The following ZCCHC2 variants were observed in gnomAD, a reference collection of about 807,000 sequenced individuals.
The protein encoded by ZCCHC2 is zinc finger CCHC domain-containing protein 2.
A neutral mutation model predicts 103.6 loss-of-function variants in ZCCHC2; 39 were observed. The ratio of observed to expected loss-of-function variants is 0.38; its 90% CI spans 0.29 to 0.49. ZCCHC2 has a LOEUF of 0.49. Ranked by LOEUF, ZCCHC2 falls within the 20% of genes least tolerant of loss-of-function variation. The pLI, the probability that ZCCHC2 is intolerant of heterozygous loss-of-function variation, is 0.96. For missense variants in ZCCHC2, 1,483 were observed against 1,491.0 expected (o/e 0.99, Z 0.09); for synonymous variants, 687 against 608.9 (o/e 1.13, Z -1.89).
At chr18:62,573,415 T>C (rs980129687) in intron 12 of ZCCHC2, among the ~76,000 whole-genome samples, 11 of 152,198 alleles carry the variant, frequency 7.2e-5, no homozygotes, top group African/African-American at 2.7e-4. Context: ...TTTGCTGTTT[T>C]GCTGTTTTGA....
intron 4 of ZCCHC2, among the ~76,000 whole-genome samples, chr18:62,545,412 T>A (rs1915369453): frequency 6.6e-6 from 1 of 152,028 alleles, no homozygotes; most frequent in Non-Finnish European, 1.5e-5. Context: ...TCTCCATTTC[T>A]TCCTTCTTTG....
At chr18:62,578,795 CTT>C (rs937114258), downstream of ZCCHC2, among the ~76,000 whole-genome samples, 3 of 152,196 alleles carry the variant, frequency 2.0e-5, no homozygotes, top group African/African-American at 7.2e-5. Flanking sequence ...GAGACGGGGT[CTT>C]GCTCTGTCGC....
At chr18:62,548,215 G>A (rs1010954305) in intron 4 of ZCCHC2, among the ~76,000 whole-genome samples, 1 of 152,016 alleles carries the variant, frequency 6.6e-6, no homozygotes, top group Non-Finnish European at 1.5e-5. Context: ...TTCAAAACAC[G>A]TGACTAGAAT....
chr18:62,528,185 A>C (rs1914519226), intron 1 of ZCCHC2, among the ~76,000 whole-genome samples: 1 of 152,252 alleles, frequency 6.6e-6, no homozygotes, highest in South Asian at 2.1e-4. Context: ...AAGGCACAAA[A>C]TTATCCTATG....
intron 13 of ZCCHC2, 145 bp downstream of exon 13, chr18:62,575,695 A>G (rs947820220): frequency 4.8e-6 from 5 of 1,042,912 alleles, no homozygotes; most frequent in Non-Finnish European, 6.8e-6. Flanking sequence ...AGATCATAAA[A>G]TGCAACTGGA....
intron 1 of ZCCHC2, among the ~76,000 whole-genome samples, chr18:62,538,745 G>A (rs187167445): frequency 2.2e-3 from 332 of 152,250 alleles, no homozygotes; most frequent in African/African-American, 7.0e-3. Context: ...CTGTCGGGTC[G>A]GGATGTGTGA....
chr18:62,561,102 A>T (rs1916096769), intron 8 of ZCCHC2, among the ~76,000 whole-genome samples: 1 of 151,956 alleles, frequency 6.6e-6, no homozygotes, highest in African/African-American at 2.4e-5. Context: ...GTGTTTGTGT[A>T]CTCATTCCTT....
rs752732600 is a variant in ZCCHC2 at position 62,570,088 on chromosome 18, T to C, written c.1847-15T>C. 2 of 1,572,612 alleles carry C rather than the reference T, an allele frequency of 1.3e-6. No homozygotes were observed. The highest frequency in any genetic ancestry group is 1.2e-5 in the South Asian group (1 of 84,126). On this transcript the variant is annotated splice_polypyrimidine_tract_variant and intron_variant, in intron 11 of 13. Coordinates refer to ENST00000269499, the MANE Select transcript of ZCCHC2 (RefSeq NM_017742.6). ...GACTTAACATGATTTTTTAAAATAGTGTTGTTATTTTTAGATGTGAATTTG... is the reference window on the plus strand; with the variant it reads ...GACTTAACATGATTTTTTAAAATAGCGTTGTTATTTTTAGATGTGAATTTG...
At chr18:62,580,000 A>G (rs9320009), downstream of ZCCHC2, among the ~76,000 whole-genome samples, 146,475 of 152,270 alleles carry the variant, frequency 0.96, 70,504 homozygotes, top group East Asian at 1. Flanking sequence ...CAAAGTGCTG[A>G]GATTACAGGC....
chr18:62,574,222 A>G lies in ZCCHC2; in HGVS notation c.2141A>G (p.Gln714Arg), dbSNP rs747527345. The change falls in exon 13 of 14, where the codon CAG (glutamine) becomes CGG (arginine). Residue 714 changes from glutamine (Q) to arginine (R), a missense_variant. By Grantham distance (43) the Gln-to-Arg change is conservative (BLOSUM62 1). Coordinates refer to ENST00000269499, the MANE Select transcript of ZCCHC2 (RefSeq NM_017742.6). Reference sequence around the variant, plus strand: ...GATCCCTTAAACTCACCCAAGTATCAGCATATTTCTTTTATGCCAACGTTA... The same window carrying G: ...GATCCCTTAAACTCACCCAAGTATCGGCATATTTCTTTTATGCCAACGTTA... Reference protein sequence around the residue: ...LEDPLNSPKYQHISFMPTLHC... With the variant: ...LEDPLNSPKYRHISFMPTLHC... The G allele has an allele frequency of 1.2e-6, 2 of 1,613,944 alleles. No individual in the cohort carries two copies. The highest frequency in any genetic ancestry group is 1.3e-5 in the African/African-American group (1 of 74,954).
intron 2 of ZCCHC2, among the ~76,000 whole-genome samples, chr18:62,541,838 TTATC>T (rs1915200292): frequency 6.6e-6 from 1 of 152,340 alleles, no homozygotes; most frequent in East Asian, 1.9e-4. Context: ...AATAAACTGA[TTATC>T]TAGTTCAATT....
intron 1 of ZCCHC2, among the ~76,000 whole-genome samples, chr18:62,532,250 C>T (rs1598929791): frequency 1.3e-5 from 2 of 152,234 alleles, no homozygotes; most frequent in Admixed American, 6.5e-5. Context: ...ACTCAGTTCT[C>T]TGAATGGTAC....
rs767095481 is a variant in ZCCHC2, at chr18:62,574,842, T to G, written c.2761T>G (p.Ser921Ala). Residue 921 changes from serine (S) to alanine (A), a missense_variant, in exon 13 of 14, where the codon TCT (serine) becomes GCT (alanine). Around this residue, in one of 3 missense-constraint regions of ZCCHC2, gnomAD observed 884 missense variants for 907.5 expected, o/e 0.97. Transcript: ENST00000269499. ...ACCAGCTTCCTACCCCTTACCAGGCTCTCCCCTTGCTGCCGGCGTGTTACC... is the reference window on the plus strand; with the variant it reads ...ACCAGCTTCCTACCCCTTACCAGGCGCTCCCCTTGCTGCCGGCGTGTTACC... ...QPPASYPLPGSPLAAGVLPSQ... is the reference protein window; with the variant it reads ...QPPASYPLPGAPLAAGVLPSQ... The G allele has an allele frequency of 2.5e-6, 4 of 1,613,750 alleles. No individual in the cohort carries two copies. Among genetic ancestry groups the G allele is most frequent in the Non-Finnish European group, 3.4e-6 (4 of 1,179,886 alleles).
At chr18:62,560,469 T>A in intron 7 of ZCCHC2, 118 bp from the exon 8 acceptor site, 2 of 734,110 alleles carry the variant, frequency 2.7e-6, no homozygotes, top group Non-Finnish European at 4.5e-6. Flanking sequence ...TGAGAAATGC[T>A]TAGAAGTGCT....
chr18:62,523,392 C>G lies in ZCCHC2; in HGVS notation c.-33C>G, dbSNP rs1470155780. 9.7e-7 allele frequency: 1 copy of G among 1,028,866 alleles called. No individual in the cohort carries two copies. The highest frequency in any genetic ancestry group is 3.4e-5 in the South Asian group (1 of 29,084). 63.7% of individuals were successfully genotyped at this position (1,028,866 alleles called of 1,614,324 possible). A position where few individuals can be genotyped will look rare whatever the true frequency, so the allele number is the denominator to read the frequency against. The stretch of plus-strand genomic sequence containing the variant: ...CACCTCGCGGCCCCTCCCGCCCGCC[C>G]CCGCTCGCATGTCTGCGCCGCCCTA... On this transcript the variant is annotated 5_prime_UTR_variant, in exon 1 of 14. Transcript: ENST00000269499.
At chr18:62,582,565 G>A (rs1212955880), downstream of ZCCHC2, among the ~76,000 whole-genome samples, 2 of 152,190 alleles carry the variant, frequency 1.3e-5, no homozygotes, top group East Asian at 1.9e-4. Context: ...TGTAATCCCA[G>A]CTACTCAGGA....
At chr18:62,582,593 C>T (rs1468131268), downstream of ZCCHC2, among the ~76,000 whole-genome samples, 1 of 152,082 alleles carries the variant, frequency 6.6e-6, no homozygotes, top group Non-Finnish European at 1.5e-5. Flanking sequence ...GTAGGAGAAC[C>T]GCTTGAACCT....
intron 3 of ZCCHC2, among the ~76,000 whole-genome samples, chr18:62,544,312 T>C (rs1447870576): frequency 6.6e-6 from 1 of 152,216 alleles, no homozygotes; most frequent in Non-Finnish European, 1.5e-5. Context: ...TTTTAAAGAT[T>C]GAGATAAAGA....
At chr18:62,540,478 C>T (rs1915124220) in intron 2 of ZCCHC2, among the ~76,000 whole-genome samples, 1 of 147,212 alleles carries the variant, frequency 6.8e-6, no homozygotes, top group Non-Finnish European at 1.5e-5. Flanking sequence ...TTGTGTAATA[C>T]ATTTTTCCTC....
Sources: gnomAD v4.1 joint callset for allele counts (sites outside exome capture counted in the v4.1 genomes callset) on GRCh38, gnomAD v4.1.1 for gene constraint, gnomAD v4.1.1 regional missense constraint, MANE v1.5 for transcripts, NCBI Gene and HGNC (gene_info 2026-07-23, HGNC 2026-07-21) for gene names.